The following ABHD10 variants were observed in gnomAD, a reference collection of about 807,000 sequenced individuals.
ABHD10 encodes palmitoyl-protein thioesterase ABHD10, mitochondrial.
A neutral mutation model predicts 33.1 loss-of-function variants in ABHD10; 22 were observed. That is an observed-to-expected ratio of 0.66 (90% CI 0.47 to 0.95). The LOEUF is 0.95. Among genes scored for constraint, ABHD10 ranks in the 40% least tolerant of loss-of-function variants. ABHD10 has a pLI of 0.00. For missense variants in ABHD10, 352 were observed against 379.9 expected (o/e 0.93, Z 0.61); for synonymous variants, 146 against 133.9 (o/e 1.09, Z -0.62).
At position 111,979,214 on chromosome 3, in the gene ABHD10, G is replaced by C. The variant is rs764295275; in HGVS notation, c.142+11G>C. 3 of 1,590,936 alleles carry C rather than the reference G, an allele frequency of 1.9e-6. No homozygotes were observed. The highest frequency in any genetic ancestry group is 4.5e-5 in the East Asian group (2 of 44,046). ...CACGGTGGCTCCCAGGTCAGTGTCC[G>C]AAAGGCGGGAGTAGGATGCGTTCTT... On this transcript the variant is annotated intron_variant, in intron 1 of 4. Coordinates refer to ENST00000273359, the MANE Select transcript of ABHD10 (RefSeq NM_018394.4).
intron 4 of ABHD10, chr3:111,990,726 T>C (rs1174928465): frequency 2.8e-6 from 4 of 1,429,536 alleles, no homozygotes; most frequent in Non-Finnish European, 3.7e-6. Flanking sequence ...ACTATATTTC[T>C]TTACATTCAG....
chr3:111,986,753 A>G (rs557722986), intron 3 of ABHD10, among the ~76,000 whole-genome samples, 161 bp from the exon 4 acceptor site: 1 of 152,250 alleles, frequency 6.6e-6, no homozygotes, highest in African/African-American at 2.4e-5. Context: ...TTCTTTAGAT[A>G]TGAAAATGTT....
intron 4 of ABHD10, among the ~76,000 whole-genome samples, chr3:111,988,537 T>C (rs28370976): frequency 0.011 from 1,693 of 152,250 alleles, 14 homozygotes; most frequent in Non-Finnish European, 0.017. Flanking sequence ...TGGGGGTTTA[T>C]TGTATTTTGT....
intron 4 of ABHD10, chr3:111,990,825 C>A: frequency 3.7e-6 from 3 of 817,358 alleles, no homozygotes; most frequent in Non-Finnish European, 5.2e-6. Flanking sequence ...TCTTTCTCTT[C>A]TTTCCCTATG....
intron 4 of ABHD10, among the ~76,000 whole-genome samples, chr3:111,989,384 G>A (rs538637668): frequency 6.6e-6 from 1 of 152,308 alleles, no homozygotes; most frequent in African/African-American, 2.4e-5. Flanking sequence ...TTTGGGTAAT[G>A]TCTTTGCTGT....
chr3:111,979,309 T>A, intron 1 of ABHD10, 106 bp downstream of exon 1: 2 of 1,324,888 alleles, frequency 1.5e-6, no homozygotes, highest in Non-Finnish European at 2.0e-6. Context: ...TCAAAAATGC[T>A]CCTCCCCCTT....
intron 2 of ABHD10, among the ~76,000 whole-genome samples, chr3:111,984,016 A>G (rs890381562): frequency 6.6e-6 from 1 of 152,076 alleles, no homozygotes; most frequent in East Asian, 1.9e-4. Context: ...ATTTTCCTTC[A>G]TGAAGGAGCT....
intron 4 of ABHD10, among the ~76,000 whole-genome samples, chr3:111,988,012 G>T (rs2072691305): frequency 6.6e-6 from 1 of 152,116 alleles, no homozygotes. Flanking sequence ...TGGGGGTATG[G>T]CCCAGCAGTC....
intron 1 of ABHD10, among the ~76,000 whole-genome samples, chr3:111,980,606 G>A (rs540932627): frequency 6.6e-6 from 1 of 152,262 alleles, no homozygotes; most frequent in East Asian, 1.9e-4. Flanking sequence ...TTTCTTAAGA[G>A]CAAGTATAGA....
Position 111,986,385 on chromosome 3 carries a change from T to C in ABHD10, c.438+10T>C. The C allele has an allele frequency of 6.5e-7, 1 of 1,549,510 alleles. No individual in the cohort carries two copies. The highest frequency in any genetic ancestry group is 2.2e-5 in the East Asian group (1 of 44,552). On this transcript the variant is annotated intron_variant, in intron 3 of 4. Transcript: ENST00000273359. The stretch of plus-strand genomic sequence containing the variant: ...AGCTGATGGGCCACAGGTGACTGTT[T>C]TGTTAAGTATGATGATAATTACTGT...
intron 4 of ABHD10, among the ~76,000 whole-genome samples, chr3:111,989,721 A>G (rs1456105446): frequency 6.6e-6 from 1 of 152,014 alleles, no homozygotes; most frequent in Non-Finnish European, 1.5e-5. Flanking sequence ...GAATGCCATG[A>G]TATTGATATA....
chr3:111,990,522 T>G (rs2072726530), intron 4 of ABHD10, among the ~76,000 whole-genome samples: 1 of 151,876 alleles, frequency 6.6e-6, no homozygotes. Context: ...AAAATTCTAA[T>G]TTTTTTAGAA....
chr3:111,990,827 T>C (rs1576069719), intron 4 of ABHD10: 4 of 806,688 alleles, frequency 5.0e-6, no homozygotes, highest in Admixed American at 3.4e-5. Flanking sequence ...TTTCTCTTCT[T>C]TCCCTATGCC....
rs757607372 is a variant in ABHD10 at position 111,991,548 on chromosome 3, G to A, written c.748G>A (p.Asp250Asn). ...PIRLLHGMKDDIVPWHTSMQV... is the reference protein window; with the variant it reads ...PIRLLHGMKDNIVPWHTSMQV... ...AAGATTGCTCCATGGCATGAAGGATGACATTGTACCTTGGCATACATCAAT... is the reference window on the plus strand; with the variant it reads ...AAGATTGCTCCATGGCATGAAGGATAACATTGTACCTTGGCATACATCAAT... Residue 250 changes from aspartate (D) to asparagine (N), a missense_variant, in exon 5 of 5, where the codon GAC (aspartate) becomes AAC (asparagine). Coordinates refer to ENST00000273359, the MANE Select transcript of ABHD10 (RefSeq NM_018394.4). 6.4e-5 allele frequency: 104 copies of A among 1,613,992 alleles called. 1 individual carries two copies. Among genetic ancestry groups the A allele is most frequent in the Non-Finnish European group, 3.6e-5 (42 of 1,180,000 alleles).
chr3:111,981,460 T>A (rs890235692), intron 1 of ABHD10, among the ~76,000 whole-genome samples: 11 of 152,106 alleles, frequency 7.2e-5, no homozygotes, highest in African/African-American at 1.7e-4. Flanking sequence ...CTGTTTAGAA[T>A]ACATGATAAA....
intron 2 of ABHD10, among the ~76,000 whole-genome samples, chr3:111,986,008 T>C (rs1041717610): frequency 3.3e-5 from 5 of 152,160 alleles, no homozygotes; most frequent in Non-Finnish European, 5.9e-5. Flanking sequence ...GGAGACTTTT[T>C]AGGAGACTAT....
rs892734893 is a variant in ABHD10, at chr3:111,993,338, G to C, written c.*1617G>C. 3 of 151,900 alleles carry C rather than the reference G, an allele frequency of 2.0e-5. No individual in the cohort carries two copies. The highest frequency in any genetic ancestry group is 7.3e-5 in the African/African-American group (3 of 41,268). The allele number at this position is 151,900 out of a possible 1,614,324, so 9.4% of individuals were successfully genotyped here. On this transcript the variant is annotated 3_prime_UTR_variant, in exon 5 of 5. Transcript: ENST00000273359. ...TGATTTTGTTTTGTATCCTTTCACTGTAATAAATCATGGCCGTGAGCAGAA... is the reference window on the plus strand; with the variant it reads ...TGATTTTGTTTTGTATCCTTTCACTCTAATAAATCATGGCCGTGAGCAGAA...
intron 1 of ABHD10, 128 bp downstream of exon 1, chr3:111,979,331 C>A: frequency 8.9e-7 from 1 of 1,124,716 alleles, no homozygotes; most frequent in South Asian, 1.7e-5. Flanking sequence ...CTCAACACCC[C>A]AGTTCTAGGC....
At chr3:111,984,041 C>T (rs944606106) in intron 2 of ABHD10, among the ~76,000 whole-genome samples, 10 of 152,096 alleles carry the variant, frequency 6.6e-5, no homozygotes, top group African/African-American at 2.4e-4. Flanking sequence ...AAGTATTTTG[C>T]ATCCTCACCA....
Sources: gnomAD v4.1 joint callset for allele counts (sites outside exome capture counted in the v4.1 genomes callset) on GRCh38, gnomAD v4.1.1 for gene constraint, MANE v1.5 for transcripts, NCBI Gene and HGNC (gene_info 2026-07-23, HGNC 2026-07-21) for gene names.